B3GLCT: variants seen among roughly 807,000 people sequenced by gnomAD.
The protein encoded by B3GLCT is beta-1,3-glucosyltransferase.
In B3GLCT, 65 loss-of-function variants were observed where a neutral mutation model predicts 63.4. The observed-to-expected ratio is 1.03, with a 90% CI of 0.84 to 1.26. The LOEUF is 1.26. Among genes scored for constraint, B3GLCT ranks in the 50% most tolerant of loss-of-function variants. The pLI is 0.00. For missense variants in B3GLCT, 577 were observed against 604.8 expected, an observed-to-expected ratio of 0.95 and a Z score of 0.48; for synonymous variants, 233 against 219.2, an observed-to-expected ratio of 1.06 and a Z score of -0.55.
intron 4 of B3GLCT, among the ~76,000 whole-genome samples, chr13:31,242,881 C>T (rs1321879290): frequency 6.6e-6 from 1 of 152,004 alleles, no homozygotes; most frequent in African/African-American, 2.4e-5. Flanking sequence ...GTAATATAGA[C>T]TCAGATTCCT....
chr13:31,292,601 G>A (rs557880486), intron 12 of B3GLCT, among the ~76,000 whole-genome samples: 1 of 152,104 alleles, frequency 6.6e-6, no homozygotes, highest in South Asian at 2.1e-4. Flanking sequence ...TTTGTGTAGA[G>A]GTGTTTATAG....
rs1293913201 is a variant in B3GLCT at position 31,282,475 on chromosome 13, TA to T, written c.851-2167del. On this transcript the variant is annotated intron_variant, in intron 10 of 14. Coordinates refer to ENST00000343307, the MANE Select transcript of B3GLCT (RefSeq NM_194318.4). The stretch of plus-strand genomic sequence containing the variant: ...TAACACGGTGAAACCCTGTCTCTAC[TA>T]AAAAATACAAAAAAAATTAGCCGGG... 4.6e-5 allele frequency among the ~76,000 whole-genome samples: 7 copies of T among 151,776 alleles called. No individual in the cohort carries two copies. The East Asian group carries it at 5.8e-4, about 13-fold the overall frequency.
intron 6 of B3GLCT, among the ~76,000 whole-genome samples, chr13:31,258,016 C>A (rs1014834206): frequency 6.6e-6 from 1 of 151,932 alleles, no homozygotes; most frequent in African/African-American, 2.4e-5. Flanking sequence ...TAACAAGTGC[C>A]GTGGAGAAGA....
At chr13:31,230,045 GC>G (rs1334305358) in intron 4 of B3GLCT, among the ~76,000 whole-genome samples, 1 of 152,062 alleles carries the variant, frequency 6.6e-6, no homozygotes, top group African/African-American at 2.4e-5. Context: ...TTAGCGCAGT[GC>G]TTCCTCTATG....
At chr13:31,272,076 A>C (rs1459925811) in intron 8 of B3GLCT, among the ~76,000 whole-genome samples, 1 of 152,118 alleles carries the variant, frequency 6.6e-6, no homozygotes, top group Non-Finnish European at 1.5e-5. Flanking sequence ...TAAAGAGGAC[A>C]TGCCTTTTCC....
rs537497548 is a variant in B3GLCT, at chr13:31,256,766, C to T, written c.460-4180C>T. On this transcript the variant is annotated intron_variant, in intron 6 of 14. Coordinates refer to ENST00000343307, the MANE Select transcript of B3GLCT (RefSeq NM_194318.4). ...GGAGGGGAACATCACACACCAGAGC[C>T]TTGTGGGCGGTGGGGGGCTTAGGGA... Among the ~76,000 whole-genome samples the T allele has an allele frequency of 1.1e-3, 165 of 152,190 alleles. 1 individual carries two copies. The South Asian group carries it at 0.033, about 30-fold the overall frequency.
intron 12 of B3GLCT, among the ~76,000 whole-genome samples, chr13:31,287,128 C>T (rs991975072): frequency 7.9e-5 from 12 of 152,116 alleles, no homozygotes; most frequent in African/African-American, 2.9e-4. Context: ...TGGAACCTGA[C>T]AGACTCTGTG....
At chr13:31,253,618 A>AAAC (rs1555249044) in intron 6 of B3GLCT, among the ~76,000 whole-genome samples, 2 of 82,266 alleles carry the variant, frequency 2.4e-5, no homozygotes, top group Non-Finnish European at 4.6e-5. Flanking sequence ...AAAAAAAAAA[A>AAAC]AAACTAGAGA....
At chr13:31,277,207 A>G (rs1435234763) in intron 10 of B3GLCT, among the ~76,000 whole-genome samples, 1 of 152,192 alleles carries the variant, frequency 6.6e-6, no homozygotes, top group African/African-American at 2.4e-5. Context: ...TCAAATGCTT[A>G]CCTTGGAACT....
At chr13:31,318,716 G>A (rs113684329) in intron 13 of B3GLCT, among the ~76,000 whole-genome samples, 2 of 151,606 alleles carry the variant, frequency 1.3e-5, no homozygotes, top group African/African-American at 4.9e-5. Context: ...CGGCCTTACT[G>A]TAATGCATCG....
intron 6 of B3GLCT, among the ~76,000 whole-genome samples, chr13:31,254,942 C>T (rs1871648344): frequency 6.6e-6 from 1 of 150,516 alleles, no homozygotes; most frequent in African/African-American, 2.4e-5. Flanking sequence ...GAGGCTGAGG[C>T]AGGAGAATCG....
At position 31,200,073 on chromosome 13, in the gene B3GLCT, T is replaced by C. The variant is rs2137720808; in HGVS notation, c.-12T>C. On this transcript the variant is annotated 5_prime_UTR_variant, in exon 1 of 15. Transcript: ENST00000343307. ...CCGCGCCCAGGTAGGGCGCTCAGCC[T>C]CCGCCGCCAGGATGCGGCCGCCCGC... 2.2e-6 allele frequency: 3 copies of C among 1,364,214 alleles called. No individual in the cohort carries two copies. The highest frequency in any genetic ancestry group is 2.9e-5 in the South Asian group (2 of 69,820). The allele number at this position is 1,364,214 out of a possible 1,614,324, so 84.5% of individuals were successfully genotyped here. A position where few individuals can be genotyped will look rare whatever the true frequency, so the allele number is the denominator to read the frequency against.
At chr13:31,284,032 A>AAATACAGAAAACCAG (rs754003554) in intron 10 of B3GLCT, among the ~76,000 whole-genome samples, 1 of 152,212 alleles carries the variant, frequency 6.6e-6, no homozygotes, top group Non-Finnish European at 1.5e-5. Flanking sequence ...TCCAAAGCCA[A>AAATACAGAAAACCAG]AATACAGAAA....
At chr13:31,226,671 G>A (rs971882895) in intron 3 of B3GLCT, among the ~76,000 whole-genome samples, 2 of 151,998 alleles carry the variant, frequency 1.3e-5, no homozygotes, top group Non-Finnish European at 2.9e-5. Flanking sequence ...CTGGGCCCAA[G>A]CAATCCTCCC....
intron 3 of B3GLCT, among the ~76,000 whole-genome samples, chr13:31,228,633 A>T (rs776722611): frequency 6.6e-6 from 1 of 152,164 alleles, no homozygotes; most frequent in Admixed American, 6.5e-5. Context: ...CAAATTTCTA[A>T]GGAGACTGGT....
intron 10 of B3GLCT, among the ~76,000 whole-genome samples, chr13:31,280,698 A>G (rs1873029837): frequency 1.3e-5 from 2 of 152,248 alleles, no homozygotes; most frequent in African/African-American, 4.8e-5. Flanking sequence ...AATGAAAAGA[A>G]ATATTTTAAA....
At chr13:31,292,060 T>G (rs1873687899) in intron 12 of B3GLCT, among the ~76,000 whole-genome samples, 1 of 152,226 alleles carries the variant, frequency 6.6e-6, no homozygotes, top group Admixed American at 6.5e-5. Flanking sequence ...TTTTTGCATC[T>G]ATTGAGATAA....
At chr13:31,266,053 A>G (rs1912794) in intron 7 of B3GLCT, among the ~76,000 whole-genome samples, 104,282 of 151,666 alleles carry the variant, frequency 0.69, 37,006 homozygotes, top group East Asian at 0.98. Context: ...AGGCTGGAGT[A>G]CAGTGGCGCA....
At chr13:31,203,502 C>T (rs776230131) in intron 1 of B3GLCT, among the ~76,000 whole-genome samples, 7 of 152,186 alleles carry the variant, frequency 4.6e-5, no homozygotes, top group Non-Finnish European at 8.8e-5. Flanking sequence ...GCGGGACAAA[C>T]ATTGTGGGCT....
Sources: allele counts gnomAD v4.1 joint callset (sites outside exome capture counted in the v4.1 genomes callset), GRCh38; gene constraint gnomAD v4.1.1; transcripts MANE v1.5; gene names NCBI Gene and HGNC (gene_info 2026-07-23, HGNC 2026-07-21).